The following GRAMD1B variants were observed in gnomAD, a reference collection of about 807,000 sequenced individuals.
GRAMD1B encodes GRAM domain containing 1B, also known as protein Aster-B.
A neutral mutation model predicts 99.7 loss-of-function variants in GRAMD1B; 37 were observed. The ratio of observed to expected loss-of-function variants is 0.37; its 90% CI spans 0.29 to 0.49. GRAMD1B has a LOEUF of 0.49. Among genes scored for constraint, GRAMD1B ranks in the 20% least tolerant of loss-of-function variants. The pLI, the probability that GRAMD1B is intolerant of heterozygous loss-of-function variation, is 0.98. For synonymous variants in GRAMD1B, 427 were observed against 387.6 expected (o/e 1.10, Z -1.19); for missense variants, 888 against 1,009.2 (o/e 0.88, Z 1.63).
At chr11:123,457,958 C>T (rs1266994483) in intron 1 of GRAMD1B, among the ~76,000 whole-genome samples, 1 of 152,218 alleles carries the variant, frequency 6.6e-6, no homozygotes, top group Non-Finnish European at 1.5e-5. Flanking sequence ...TCAAGGAATC[C>T]TCCTGCCTCG....
At chr11:123,363,226 G>A (rs1017683670) in intron 1 of GRAMD1B, among the ~76,000 whole-genome samples, 25 of 152,258 alleles carry the variant, frequency 1.6e-4, no homozygotes, top group Middle Eastern at 3.4e-3. Flanking sequence ...ACCCCTCACG[G>A]CAGCTCATTC....
chr11:123,421,460 C>G (rs138369569), intron 1 of GRAMD1B, among the ~76,000 whole-genome samples: 1 of 152,150 alleles, frequency 6.6e-6, no homozygotes, highest in African/African-American at 2.4e-5. Context: ...ATGTTTGATT[C>G]ACATAAAACA....
chr11:123,533,242 A>T (rs972312068), intron 2 of GRAMD1B, among the ~76,000 whole-genome samples: 1 of 152,110 alleles, frequency 6.6e-6, no homozygotes, highest in African/African-American at 2.4e-5. Context: ...AAGTGCTGGG[A>T]TTACAGGCGT....
intron 1 of GRAMD1B, among the ~76,000 whole-genome samples, chr11:123,365,672 C>T (rs1043592701): frequency 9.9e-5 from 15 of 152,164 alleles, no homozygotes; most frequent in African/African-American, 4.8e-5. Flanking sequence ...TAAGGGGATT[C>T]CCTAAAATAT....
chr11:123,505,367 G>A (rs1295189150), intron 2 of GRAMD1B, among the ~76,000 whole-genome samples: 1 of 151,976 alleles, frequency 6.6e-6, no homozygotes, highest in Non-Finnish European at 1.5e-5. Context: ...AACAGCAGGT[G>A]GGTTTGACTG....
At chr11:123,531,026 G>T (rs1457424199) in intron 2 of GRAMD1B, among the ~76,000 whole-genome samples, 3 of 152,208 alleles carry the variant, frequency 2.0e-5, no homozygotes, top group Non-Finnish European at 2.9e-5. Context: ...TCCTGATAGA[G>T]CAGGTTGCTA....
chr11:123,371,584 T>C (rs1382413170), intron 1 of GRAMD1B, among the ~76,000 whole-genome samples: 1 of 152,196 alleles, frequency 6.6e-6, no homozygotes, highest in Non-Finnish European at 1.5e-5. Context: ...TCCAGCCAAT[T>C]AATATCATGG....
At position 123,430,661 on chromosome 11, in the gene GRAMD1B, G is replaced by A. The variant is rs550268399; in HGVS notation, c.-132G>A. 1.4e-5 allele frequency: 7 copies of A among 513,440 alleles called. No individual in the cohort carries two copies. The highest frequency in any genetic ancestry group is 1.1e-4 in the South Asian group (4 of 36,264). The allele number at this position is 513,440 out of a possible 1,614,324, so 31.8% of individuals were successfully genotyped here. A position where few individuals can be genotyped will look rare whatever the true frequency, so the allele number is the denominator to read the frequency against. On this transcript the variant is annotated 5_prime_UTR_variant, in exon 1 of 20. Transcript: ENST00000635736. ...GCGTCCCTTCCTCGCTGCGCTCCGG[G>A]AAAGGAACTTGTTCCTTCGGCCCCA...
chr11:123,428,547 T>C (rs1424244698), upstream of GRAMD1B, among the ~76,000 whole-genome samples: 2 of 152,196 alleles, frequency 1.3e-5, no homozygotes, highest in Admixed American at 6.5e-5. Flanking sequence ...GGAAGAAATA[T>C]TTCCCTTGGT....
chr11:123,609,811 A>G lies in GRAMD1B; in HGVS notation c.1674A>G (p.Pro558=), dbSNP rs992320973. The change falls in exon 13 of 20, where the codon CCA becomes CCG. Residue 558 remains proline (P), a synonymous_variant. Coordinates refer to ENST00000635736, the MANE Select transcript of GRAMD1B (RefSeq NM_001387025.1). ...TACCCTTAGATATCATCTTCCATCC[A>G]TGGAAAAAGGAGGAGAATGGAAACC... is the stretch of plus-strand genomic sequence containing the variant. ...QRRFSDIIFH[P]WKKEENGNQS... is the part of the protein sequence containing the mutation. 4 of 1,587,814 alleles carry G rather than the reference A, an allele frequency of 2.5e-6. No individual in the cohort carries two copies. The highest frequency in any genetic ancestry group is 1.1e-5 in the South Asian group (1 of 87,816).
At chr11:123,563,809 G>C (rs944792658) in intron 2 of GRAMD1B, among the ~76,000 whole-genome samples, 6 of 152,140 alleles carry the variant, frequency 3.9e-5, no homozygotes, top group Non-Finnish European at 8.8e-5. Context: ...AATGAGAAGG[G>C]TGGCAAGGGA....
intron 1 of GRAMD1B, chr11:123,458,501 A>G (rs1950259460): frequency 6.6e-6 from 1 of 152,204 alleles, no homozygotes; most frequent in Admixed American, 6.5e-5. Context: ...ACGCCCAAAA[A>G]TAATGCTTTA....
chr11:123,563,387 A>T (rs750287331), intron 2 of GRAMD1B, among the ~76,000 whole-genome samples: 4 of 152,210 alleles, frequency 2.6e-5, no homozygotes, highest in African/African-American at 4.8e-5. Flanking sequence ...GAATTGTTTC[A>T]CTCAAAGAAA....
chr11:123,529,405 C>T (rs1340245936), intron 2 of GRAMD1B, among the ~76,000 whole-genome samples: 1 of 152,140 alleles, frequency 6.6e-6, no homozygotes, highest in Non-Finnish European at 1.5e-5. Flanking sequence ...TGAAGATGAC[C>T]GTGACATATG....
intron 1 of GRAMD1B, among the ~76,000 whole-genome samples, chr11:123,363,473 C>G (rs555227995): frequency 6.6e-6 from 1 of 152,164 alleles, no homozygotes. Flanking sequence ...CAGAAAGGAA[C>G]CTTGTTCTCT....
chr11:123,463,489 G>A (rs1383684788), intron 1 of GRAMD1B, among the ~76,000 whole-genome samples: 1 of 152,188 alleles, frequency 6.6e-6, no homozygotes, highest in Non-Finnish European at 1.5e-5. Context: ...TATCTTGAAT[G>A]AATTGAAAAA....
intron 2 of GRAMD1B, among the ~76,000 whole-genome samples, chr11:123,512,441 A>T (rs1171275882): frequency 6.6e-6 from 1 of 152,230 alleles, no homozygotes; most frequent in Admixed American, 6.5e-5. Flanking sequence ...ATATGGAGGC[A>T]GAAACAGCCT....
chr11:123,381,693 C>T (rs928468391), intron 1 of GRAMD1B, among the ~76,000 whole-genome samples: 8 of 152,218 alleles, frequency 5.3e-5, no homozygotes, highest in Non-Finnish European at 1.0e-4. Context: ...GCACTGAATG[C>T]TGCCTGGGGA....
At position 123,485,189 on chromosome 11, in the gene GRAMD1B, C is replaced by A. The variant is rs184112636; in HGVS notation, c.452+4296C>A. ...CTTCTTCTAATTTTCCAAACCATATCATCAATTGTAACATGAAAGATTGTT... is the reference window on the plus strand; with the variant it reads ...CTTCTTCTAATTTTCCAAACCATATAATCAATTGTAACATGAAAGATTGTT... On this transcript the variant is annotated intron_variant, in intron 2 of 19. Coordinates refer to ENST00000635736, the MANE Select transcript of GRAMD1B (RefSeq NM_001387025.1). Among the ~76,000 whole-genome samples, 5 of 152,244 alleles carry A rather than the reference C, an allele frequency of 3.3e-5. No individual in the cohort carries two copies. In the East Asian group the frequency reaches 7.7e-4, roughly 23 times the overall value.
Sources: gnomAD v4.1 joint callset for allele counts (sites outside exome capture counted in the v4.1 genomes callset) on GRCh38, gnomAD v4.1.1 for gene constraint, MANE v1.5 for transcripts, NCBI Gene and HGNC (gene_info 2026-07-23, HGNC 2026-07-21) for gene names.